Variants in CCSER1 observed in about 807,000 individuals in gnomAD.
The protein encoded by CCSER1 is serine-rich coiled-coil domain-containing protein 1.
In CCSER1, 41 loss-of-function variants were observed where a neutral mutation model predicts 82.0. That is an observed-to-expected ratio of 0.50 (90% CI 0.39 to 0.65). The LOEUF is 0.65. Among genes scored for constraint, CCSER1 ranks in the 30% least tolerant of loss-of-function variants. The pLI, the probability that CCSER1 is intolerant of heterozygous loss-of-function variation, is 0.00. For synonymous variants in CCSER1, 414 were observed against 383.9 expected (o/e 1.08, Z -0.92); for missense variants, 1,119 against 1,064.2 (o/e 1.05, Z -0.72).
At chr4:91,347,049 C>G (rs1748109677) in intron 10 of CCSER1, among the ~76,000 whole-genome samples, 1 of 151,912 alleles carries the variant, frequency 6.6e-6, no homozygotes, top group Non-Finnish European at 1.5e-5. Flanking sequence ...AGTGTTGTAT[C>G]TAAAAATTCA....
At chr4:91,550,082 T>A (rs570174292) in intron 10 of CCSER1, among the ~76,000 whole-genome samples, 1 of 152,272 alleles carries the variant, frequency 6.6e-6, no homozygotes, top group African/African-American at 2.4e-5. Context: ...TTTTCCTTCC[T>A]CCAGGTATGT....
intron 1 of CCSER1, among the ~76,000 whole-genome samples, chr4:90,239,093 C>T (rs574090231): frequency 6.2e-4 from 95 of 152,272 alleles, no homozygotes; most frequent in African/African-American, 1.9e-3. Flanking sequence ...GCAGGTGATC[C>T]GCCTGCCTGG....
chr4:90,546,357 T>A (rs943635191), intron 5 of CCSER1, among the ~76,000 whole-genome samples: 1 of 152,112 alleles, frequency 6.6e-6, no homozygotes, highest in Non-Finnish European at 1.5e-5. Flanking sequence ...ATGTGGTAAC[T>A]AGAGCAAACA....
At chr4:91,143,220 G>A (rs763836121) in intron 10 of CCSER1, among the ~76,000 whole-genome samples, 1 of 150,112 alleles carries the variant, frequency 6.7e-6, no homozygotes, top group Admixed American at 6.6e-5. Context: ...GTGTTTCTAG[G>A]TATTTTTTTG....
At chr4:91,283,343 C>T (rs1743057708) in intron 10 of CCSER1, among the ~76,000 whole-genome samples, 2 of 151,884 alleles carry the variant, frequency 1.3e-5, no homozygotes, top group Admixed American at 6.6e-5. Flanking sequence ...TAGATTAGGG[C>T]CATTTTATTG....
At chr4:91,171,262 C>T (rs142544721) in intron 10 of CCSER1, among the ~76,000 whole-genome samples, 18 of 152,236 alleles carry the variant, frequency 1.2e-4, no homozygotes, top group African/African-American at 3.9e-4. Context: ...CTGCATGTTT[C>T]AGCTATAAAA....
chr4:90,500,720 ACAAG>A (rs373406406), intron 5 of CCSER1, among the ~76,000 whole-genome samples: 2,239 of 152,234 alleles, frequency 0.015, 35 homozygotes, highest in African/African-American at 0.043. Flanking sequence ...AAGAAAACAA[ACAAG>A]CAAGAAAACA....
chr4:91,291,119 T>G (rs72877099), intron 10 of CCSER1, among the ~76,000 whole-genome samples: 7,841 of 151,840 alleles, frequency 0.052, 665 homozygotes, highest in African/African-American at 0.18. Context: ...AATAAATATC[T>G]GTAAGCACCC....
At chr4:91,241,963 TGC>T (rs1432000604) in intron 10 of CCSER1, among the ~76,000 whole-genome samples, 1 of 145,222 alleles carries the variant, frequency 6.9e-6, no homozygotes, top group Admixed American at 6.6e-5. Flanking sequence ...CACAACTGTG[TGC>T]GTATATATAT....
At chr4:90,357,858 C>T (rs1426488985) in intron 3 of CCSER1, among the ~76,000 whole-genome samples, 1 of 151,974 alleles carries the variant, frequency 6.6e-6, no homozygotes, top group Non-Finnish European at 1.5e-5. Flanking sequence ...GCATTTCCTG[C>T]TTCTCAGTTT....
intron 5 of CCSER1, among the ~76,000 whole-genome samples, chr4:90,541,434 C>T: frequency 6.6e-6 from 1 of 152,158 alleles, no homozygotes; most frequent in Middle Eastern, 3.4e-3. Flanking sequence ...TAGCTGTTGG[C>T]CTTCAAATCT....
At chr4:91,430,443 T>C (rs1754228064) in intron 10 of CCSER1, among the ~76,000 whole-genome samples, 1 of 152,242 alleles carries the variant, frequency 6.6e-6, no homozygotes, top group Non-Finnish European at 1.5e-5. Flanking sequence ...CCAGTTAAAC[T>C]ATTGATTATT....
chr4:90,444,805 A>T (rs1451355914), intron 4 of CCSER1, among the ~76,000 whole-genome samples: 2 of 152,026 alleles, frequency 1.3e-5, no homozygotes, highest in African/African-American at 4.8e-5. Flanking sequence ...AAAAGGGTGA[A>T]AAATTACGGG....
intron 10 of CCSER1, among the ~76,000 whole-genome samples, chr4:91,331,057 G>C (rs1746916631): frequency 6.6e-6 from 1 of 151,988 alleles, no homozygotes; most frequent in South Asian, 2.1e-4. Context: ...ATTATCCTTG[G>C]TTTCAGACAT....
At chr4:90,615,651 T>G (rs191024688) in intron 5 of CCSER1, among the ~76,000 whole-genome samples, 1 of 150,664 alleles carries the variant, frequency 6.6e-6, no homozygotes. Flanking sequence ...CGGTTGCTTC[T>G]TGTAGATGAG....
intron 1 of CCSER1, among the ~76,000 whole-genome samples, chr4:90,247,373 A>G (rs143905426): frequency 1.0e-4 from 15 of 145,220 alleles, no homozygotes; most frequent in African/African-American, 3.4e-4. Flanking sequence ...TTGCTATGTG[A>G]ATAATAATTC....
intron 4 of CCSER1, among the ~76,000 whole-genome samples, chr4:90,457,430 G>A (rs1578562378): frequency 6.6e-6 from 1 of 152,158 alleles, no homozygotes; most frequent in East Asian, 1.9e-4. Context: ...TACTTGTCTT[G>A]TTTCCAGGAA....
chr4:90,223,833 T>C (rs1236726911), intron 1 of CCSER1, among the ~76,000 whole-genome samples: 1 of 152,232 alleles, frequency 6.6e-6, no homozygotes, highest in Non-Finnish European at 1.5e-5. Flanking sequence ...TTTATTTTAT[T>C]GCCTTCTCAG....
intron 10 of CCSER1, among the ~76,000 whole-genome samples, chr4:91,574,012 C>T (rs1435640644): frequency 6.6e-6 from 1 of 151,880 alleles, no homozygotes; most frequent in Non-Finnish European, 1.5e-5. Flanking sequence ...AAATCGAGGA[C>T]ATAAATAAAT....
Sources: gnomAD v4.1 joint callset for allele counts (sites outside exome capture counted in the v4.1 genomes callset) on GRCh38, gnomAD v4.1.1 for gene constraint, MANE v1.5 for transcripts, NCBI Gene and HGNC (gene_info 2026-07-23, HGNC 2026-07-21) for gene names.